Variants in HEG1 observed in about 807,000 individuals in gnomAD.
HEG1 encodes the protein heart development protein with EGF like domains 1, also known as protein HEG homolog 1.
A neutral mutation model predicts 125.6 loss-of-function variants in HEG1; 56 were observed. That is an observed-to-expected ratio of 0.45 (90% CI 0.36 to 0.56). The LOEUF (loss-of-function observed/expected upper bound fraction) is 0.56, where lower values mean the gene tolerates loss of function less well. HEG1 is among the 20% of genes least tolerant of loss of function. The probability of loss-of-function intolerance (pLI) is 0.00; values close to 1 mark genes in which losing one functional copy is unlikely to be tolerated. For missense variants in HEG1, 1,523 were observed against 1,670.0 expected (o/e 0.91, Z 1.53); for synonymous variants, 644 against 668.5 (o/e 0.96, Z 0.57).
At chr3:125,028,449 G>A (rs776913023) in intron 2 of HEG1, among the ~76,000 whole-genome samples, 21 of 152,114 alleles carry the variant, frequency 1.4e-4, no homozygotes, top group Non-Finnish European at 2.9e-4. Context: ...CCTACAGAGA[G>A]GCCACACCTG....
intron 11 of HEG1, among the ~76,000 whole-genome samples, chr3:124,998,747 C>T: frequency 6.6e-6 from 1 of 152,146 alleles, no homozygotes; most frequent in East Asian, 1.9e-4. Flanking sequence ...GGTGCATAGG[C>T]CTCCTGTGTA....
At chr3:125,048,280 TG>T (rs1206886802) in intron 1 of HEG1, among the ~76,000 whole-genome samples, 6 of 152,250 alleles carry the variant, frequency 3.9e-5, no homozygotes, top group Non-Finnish European at 7.3e-5. Flanking sequence ...TAAGAGACCT[TG>T]CAACCAGAGC....
intron 14 of HEG1, among the ~76,000 whole-genome samples, chr3:124,987,968 T>TAG (rs1936770801): frequency 1.6e-5 from 1 of 61,914 alleles, no homozygotes; most frequent in African/African-American, 4.5e-5. Context: ...TATATATATA[T>TAG]ATATATACCA....
In HEG1 at chr3:125,013,129, G is replaced by A. The variant is rs1257987120; in HGVS notation, c.2450C>T (p.Pro817Leu). The change falls in exon 6 of 17, where the codon CCA (proline) becomes CTA (leucine). Residue 817 changes from proline (P) to leucine (L), a missense_variant. Physicochemically the swap from Pro to Leu is moderately conservative, Grantham distance 98. Transcript: ENST00000311127. ...CTCTGTGGAGGACTCTGTTAAGGAT[G>A]GAGGCAAAGGAGAGTTTGTTGTTAC... is the stretch of plus-strand genomic sequence containing the variant. ...KAVTTNSPLP[P>L]SLTESSTEQT... The A allele has an allele frequency of 1.2e-6, 2 of 1,614,012 alleles. No individual in the cohort carries two copies. Among genetic ancestry groups the A allele is most frequent in the Non-Finnish European group, 1.7e-6 (2 of 1,179,896 alleles).
At chr3:124,987,630 T>TCTC (rs111470721) in intron 14 of HEG1, among the ~76,000 whole-genome samples, 49,469 of 150,110 alleles carry the variant, frequency 0.33, 8,649 homozygotes, top group East Asian at 0.48. Flanking sequence ...TTCACGCCAT[T>TCTC]CTGCCTCAGC....
At chr3:124,975,094 T>C (rs533375013) in intron 15 of HEG1, among the ~76,000 whole-genome samples, 1 of 152,366 alleles carries the variant, frequency 6.6e-6, no homozygotes, top group East Asian at 1.9e-4. Context: ...TTTCCACTCA[T>C]ATGGTTTATC....
intron 7 of HEG1, among the ~76,000 whole-genome samples, chr3:125,010,095 A>C (rs1433626199): frequency 1.3e-5 from 2 of 152,244 alleles, no homozygotes; most frequent in African/African-American, 2.4e-5. Context: ...AGACTGTTTC[A>C]CATAACATCT....
intron 14 of HEG1, among the ~76,000 whole-genome samples, chr3:124,987,253 A>G (rs1336466577): frequency 6.6e-6 from 1 of 152,202 alleles, no homozygotes; most frequent in Non-Finnish European, 1.5e-5. Flanking sequence ...AAGCAGGTTT[A>G]AAGTACTAGC....
At chr3:125,015,980 C>A (rs557338885) in intron 5 of HEG1, among the ~76,000 whole-genome samples, 18 of 152,238 alleles carry the variant, frequency 1.2e-4, no homozygotes, top group African/African-American at 4.3e-4. Context: ...CCACGAGCAT[C>A]ACTGAGAAAG....
chr3:125,002,913 C>G (rs1937020308), intron 9 of HEG1, among the ~76,000 whole-genome samples: 1 of 152,206 alleles, frequency 6.6e-6, no homozygotes, highest in South Asian at 2.1e-4. Flanking sequence ...CATGAAATAT[C>G]AGGCCTGCTT....
intron 11 of HEG1, 57 bp downstream of exon 11, chr3:125,001,795 T>A (rs1937003175): frequency 6.4e-7 from 1 of 1,566,492 alleles, no homozygotes; most frequent in Non-Finnish European, 8.7e-7. Flanking sequence ...TGCATTTCCA[T>A]CTTAGGTCTG....
At chr3:125,034,267 T>C (rs1937533146) in intron 1 of HEG1, among the ~76,000 whole-genome samples, 2 of 56,714 alleles carry the variant, frequency 3.5e-5, no homozygotes, top group African/African-American at 5.5e-5. Flanking sequence ...GTTGAAGTCT[T>C]TGCTTGTTAA....
At chr3:125,054,318 T>C (rs1937879066) in intron 1 of HEG1, among the ~76,000 whole-genome samples, 1 of 151,882 alleles carries the variant, frequency 6.6e-6, no homozygotes, top group Non-Finnish European at 1.5e-5. Context: ...GGTTTCTCAA[T>C]CTTATGCCAG....
chr3:125,021,269 C>A, intron 3 of HEG1, 139 bp from the exon 4 acceptor site: 1 of 653,696 alleles, frequency 1.5e-6, no homozygotes, highest in South Asian at 2.0e-5. Flanking sequence ...ACAAACATAT[C>A]TATACACACG....
At chr3:125,036,445 T>C (rs912965637) in intron 1 of HEG1, among the ~76,000 whole-genome samples, 12 of 152,156 alleles carry the variant, frequency 7.9e-5, no homozygotes, top group African/African-American at 2.9e-4. Context: ...ATGATGATAA[T>C]AGGAGTGGTC....
At chr3:125,018,905 C>T (rs1013774085) in intron 5 of HEG1, among the ~76,000 whole-genome samples, 6 of 123,058 alleles carry the variant, frequency 4.9e-5, no homozygotes, top group South Asian at 2.5e-4. Flanking sequence ...TCGCTTTTGT[C>T]GCCCAGGCTG....
chr3:125,011,952 TA>T (rs1937162513), intron 6 of HEG1, among the ~76,000 whole-genome samples: 1 of 152,208 alleles, frequency 6.6e-6, no homozygotes. Context: ...TCAACGTGGC[TA>T]CAAAAACAAC....
chr3:125,055,580 C>G lies in HEG1; in HGVS notation c.311G>C (p.Ser104Thr). The change falls in exon 1 of 17, where the codon AGC (serine) becomes ACC (threonine). Residue 104 changes from serine to threonine, a missense_variant. Coordinates refer to ENST00000311127, the MANE Select transcript of HEG1 (RefSeq NM_020733.2). Reference protein sequence around the residue: ...GPSGRAPRGGSADAAWKHWPE... With the variant: ...GPSGRAPRGGTADAAWKHWPE... Reference sequence around the variant, plus strand: ...GGTTCCCGGCTCTCACTCACCCGCGCTCCCGCCTCTGGGGGCCCGGCCGGA... The same window carrying G: ...GGTTCCCGGCTCTCACTCACCCGCGGTCCCGCCTCTGGGGGCCCGGCCGGA... 8.3e-7 allele frequency: 1 copy of G among 1,205,372 alleles called. No individual in the cohort carries two copies. Among genetic ancestry groups the G allele is most frequent in the African/African-American group, 1.6e-5 (1 of 63,330 alleles). 74.7% of individuals were successfully genotyped at this position (1,205,372 alleles called of 1,614,324 possible).
chr3:124,978,382 C>T (rs1936584727), intron 14 of HEG1, among the ~76,000 whole-genome samples: 1 of 152,036 alleles, frequency 6.6e-6, no homozygotes, highest in Non-Finnish European at 1.5e-5. Context: ...CTCCTGACCT[C>T]TTGATCCACC....
Sources: allele counts gnomAD v4.1 joint callset (sites outside exome capture counted in the v4.1 genomes callset), GRCh38; gene constraint gnomAD v4.1.1; transcripts MANE v1.5; gene names NCBI Gene and HGNC (gene_info 2026-07-23, HGNC 2026-07-21).